Variants in PLEC observed in about 807,000 individuals in gnomAD.
PLEC encodes hemidesmosomal protein 1.
PLEC carries 216 observed loss-of-function variants against 392.8 expected under a neutral mutation model. The ratio of observed to expected loss-of-function variants is 0.55; its 90% CI spans 0.49 to 0.62. The LOEUF (loss-of-function observed/expected upper bound fraction) is 0.62. Ranked by LOEUF, PLEC falls within the 20% of genes least tolerant of loss-of-function variation. PLEC has a pLI of 0.00. For synonymous variants in PLEC, 3,621 were observed against 2,980.6 expected (o/e 1.21, Z -7.00); for missense variants, 6,863 against 6,563.4 (o/e 1.05, Z -1.58).
intron 1 of PLEC, chr8:143,950,045 G>A (rs1831962901): frequency 8.7e-7 from 1 of 1,152,126 alleles, no homozygotes; most frequent in African/African-American, 1.6e-5. Flanking sequence ...TCGGCTAGGG[G>A]GGGCCACCTG....
Position 143,934,009 on chromosome 8 carries a change from G to GGGCGTC in PLEC, c.1246_1251dup (p.Asp416_Ala417dup). The stretch of plus-strand genomic sequence containing the variant: ...CCACACCCCCTCACCGACTGCAGCA[G>GGGCGTC]GGCGTCGGCCTGGTTCAGCTGCTCC... On this transcript the variant is annotated inframe_insertion, in exon 12 of 32. Transcript: ENST00000345136. 2 of 1,606,936 alleles carry GGGCGTC rather than the reference G, an allele frequency of 1.2e-6. No individual in the cohort carries two copies. The highest frequency in any genetic ancestry group is 1.7e-6 in the Non-Finnish European group (2 of 1,178,882).
rs371878635 is a variant in PLEC, at chr8:143,937,220, C to T, written c.287G>A (p.Arg96His). 1.9e-6 allele frequency: 3 copies of T among 1,612,700 alleles called. No homozygotes were observed. Among genetic ancestry groups the T allele is most frequent in the South Asian group, 1.1e-5 (1 of 91,086 alleles). Residue 96 changes from arginine (R) to histidine (H), a missense_variant, in exon 4 of 32, where the codon CGT becomes CAT. Arg to His is a conservative substitution (Grantham distance 29, BLOSUM62 0). Transcript: ENST00000345136. ...DSLPREKGRM[R>H]FHKLQNVQIA... Reference sequence around the variant, plus strand: ...CTGGACATTCTGCAGCTTGTGGAAACGCATCCTCCCCTTCTCCCGGGGCTG... The same window carrying T: ...CTGGACATTCTGCAGCTTGTGGAAATGCATCCTCCCCTTCTCCCGGGGCTG...
chr8:143,923,247 C>T lies in PLEC; in HGVS notation c.6682G>A (p.Glu2228Lys), dbSNP rs782748586. Residue 2228 changes from glutamate to lysine, a missense_variant, in exon 31 of 32, where the codon GAG becomes AAG. Physicochemically the swap from Glu to Lys is moderately conservative, Grantham distance 56 (BLOSUM62 1). Transcript: ENST00000345136. ...TGCACGCGCACCGAGAAGAGCTCCT[C>T]CTCCACCTGGCTGCGCTGGCGTGCG... is the stretch of plus-strand genomic sequence containing the variant. Reference protein sequence around the residue: ...EAARQRSQVEEELFSVRVQME... With the variant: ...EAARQRSQVEKELFSVRVQME... 6.2e-7 allele frequency: 1 copy of T among 1,605,214 alleles called. No homozygotes were observed. The highest frequency in any genetic ancestry group is 2.2e-5 in the East Asian group (1 of 44,866).
chr8:143,939,698 C>CG, upstream of PLEC: 1 of 1,344,804 alleles, frequency 7.4e-7, no homozygotes, highest in Non-Finnish European at 9.7e-7. Context: ...GGGAGTGTCC[C>CG]GGCGGGAAGG....
At position 143,939,004 on chromosome 8, in the gene PLEC, G is replaced by A. The variant is rs959336110; in HGVS notation, c.113-312C>T. Among the ~76,000 whole-genome samples, 9 of 144,776 alleles carry A rather than the reference G, an allele frequency of 6.2e-5. 1 individual carries two copies. The highest frequency in any genetic ancestry group is 2.4e-4 in the South Asian group (1 of 4,124). The allele number at this position is 144,776 out of a possible 152,430, so 95.0% of individuals were successfully genotyped here. A position where few individuals can be genotyped will look rare whatever the true frequency, so the allele number is the denominator to read the frequency against. ...CAAGTCCCGTCCTGCAGTCCCCCCCGGCCTCTACAGACTGAGACCCAAGCA... is the reference window on the plus strand; with the variant it reads ...CAAGTCCCGTCCTGCAGTCCCCCCCAGCCTCTACAGACTGAGACCCAAGCA... On this transcript the variant is annotated intron_variant, in intron 1 of 31. Coordinates refer to ENST00000345136, the MANE Select transcript of PLEC (RefSeq NM_201384.3).
At chr8:143,942,100 T>C (rs1204557033), upstream of PLEC, among the ~76,000 whole-genome samples, 4 of 151,892 alleles carry the variant, frequency 2.6e-5, no homozygotes, top group African/African-American at 9.7e-5. Context: ...CCCCGTGTCC[T>C]GGAAACCCAG....
Position 143,922,063 on chromosome 8 carries a change from C to G in PLEC, c.7758G>C (p.Leu2586=), listed in dbSNP as rs1554688142. The stretch of plus-strand genomic sequence containing the variant: ...GCAGCCTCTGGTTCTCCTCAGCCAG[C>G]AGCTCCTCCTGCTGCCGCCGCTGCT... ...LEQQRRQQEE[L]LAEENQRLRE... Residue 2586 remains leucine (L), a synonymous_variant, in exon 32 of 32, where the codon CTG becomes CTC. Transcript: ENST00000345136. 18 of 1,589,648 alleles carry G rather than the reference C, an allele frequency of 1.1e-5. No homozygotes were observed. The highest frequency in any genetic ancestry group is 1.4e-5 in the Non-Finnish European group (16 of 1,176,006).
chr8:143,925,368 C>G lies in PLEC; in HGVS notation c.4561G>C (p.Val1521Leu). The change falls in exon 31 of 32, where the codon GTG becomes CTG. Residue 1521 changes from valine (V) to leucine (L), a missense_variant. Transcript: ENST00000345136. Reference protein sequence around the residue: ...RQAEVELASRVKAEAEAAREK... With the variant: ...RQAEVELASRLKAEAEAAREK... Reference sequence around the variant, plus strand: ...CGCGCCGCCTCGGCCTCGGCCTTCACGCGCGAGGCCAGCTCCACCTCCGCC... The same window carrying G: ...CGCGCCGCCTCGGCCTCGGCCTTCAGGCGCGAGGCCAGCTCCACCTCCGCC... The G allele has an allele frequency of 6.4e-7, 1 of 1,560,218 alleles. No individual in the cohort carries two copies. The highest frequency in any genetic ancestry group is 8.6e-7 in the Non-Finnish European group (1 of 1,160,408).
rs782375414 is a variant in PLEC, at chr8:143,932,135, C to T, written c.2077G>A (p.Val693Met). 6.2e-7 allele frequency: 1 copy of T among 1,610,852 alleles called. No homozygotes were observed. The highest frequency in any genetic ancestry group is 2.2e-5 in the East Asian group (1 of 44,864). ...CCCTACCCAGGGAGCCCCACCTCCA[C>T]CGTGGGCCGGGCCGGGTGGTCCTCC... ...LREDHPARPT[V>M]ESFQAALQTQ... The change falls in exon 17 of 32, where the codon GTG becomes ATG. Residue 693 changes from valine (V) to methionine (M), a missense_variant. Val to Met is a conservative substitution (Grantham distance 21). Transcript: ENST00000345136.
At chr8:143,972,742 G>T (rs979933609) in intron 1 of PLEC, among the ~76,000 whole-genome samples, 1 of 152,238 alleles carries the variant, frequency 6.6e-6, no homozygotes, top group Non-Finnish European at 1.5e-5. Flanking sequence ...AAGAATGGCC[G>T]GTGGGACCAG....
chr8:143,943,691 A>G, upstream of PLEC: 1 of 1,249,822 alleles, frequency 8.0e-7, no homozygotes, highest in South Asian at 1.3e-5. Context: ...TGGAAACAGG[A>G]AGGGGAGGGC....
chr8:143,932,879 C>G lies in PLEC; in HGVS notation c.1651G>C (p.Val551Leu), dbSNP rs781943261. The change falls in exon 14 of 32, where the codon GTG becomes CTG. Residue 551 changes from valine to leucine, a missense_variant. Transcript: ENST00000345136. ...CGGTGGCTGCCCAGCTGCGCCTCCA[C>G]GCTGGGCAGGTCCACACCCCACTCA... The part of the protein sequence containing the change: ...GAEWGVDLPS[V>L]EAQLGSHRGL... 9 of 1,612,452 alleles carry G rather than the reference C, an allele frequency of 5.6e-6. No individual in the cohort carries two copies. In the East Asian group the frequency reaches 8.9e-5, roughly 16 times the overall value.
rs370458177 is a variant in PLEC at position 143,932,990 on chromosome 8, G to A, written c.1540C>T (p.Arg514Cys). 4.7e-5 allele frequency: 75 copies of A among 1,610,242 alleles called. No homozygotes were observed. In the East Asian group the frequency reaches 1.1e-3, roughly 23 times the overall value. ...AGAGTGGAGTCCTCCAGCTCGGGGC[G>A]CCTCTGCACACTCTGCAGAGTCACC... Reference protein sequence around the residue: ...AQVTLQSVQRRPELEDSTLRY... With the variant: ...AQVTLQSVQRCPELEDSTLRY... The change falls in exon 14 of 32, where the codon CGC (arginine) becomes TGC (cysteine). Residue 514 changes from arginine to cysteine, a missense_variant. Physicochemically the swap from Arg to Cys is radical, Grantham distance 180. Coordinates refer to ENST00000345136, the MANE Select transcript of PLEC (RefSeq NM_201384.3).
chr8:143,959,803 T>C (rs1375826054), intron 1 of PLEC, among the ~76,000 whole-genome samples: 3 of 149,786 alleles, frequency 2.0e-5, no homozygotes, highest in Non-Finnish European at 3.0e-5. Context: ...GAGACCATCC[T>C]GGCTAACACA....
At position 143,930,539 on chromosome 8, in the gene PLEC, G is replaced by A; in HGVS notation, c.2305-3C>T. 1 of 1,584,868 alleles carries A rather than the reference G, an allele frequency of 6.3e-7. No homozygotes were observed. Among genetic ancestry groups the A allele is most frequent in the South Asian group, 1.1e-5 (1 of 87,520 alleles). ...TCGTTCAGCTGTTCCTTCTCGTCCT[G>A]TGGGGGAGGGGCAGCATCCAGACGA... On this transcript the variant is annotated splice_region_variant and splice_polypyrimidine_tract_variant and intron_variant, in intron 19 of 31. Coordinates refer to ENST00000345136, the MANE Select transcript of PLEC (RefSeq NM_201384.3).
chr8:143,975,230 C>A, upstream of PLEC: 1 of 1,605,834 alleles, frequency 6.2e-7, no homozygotes. This position sits in a 1 kb window ranked among gnomAD's most constrained non-coding sequence, Gnocchi z 9.9. Flanking sequence ...CCCGTTGCTC[C>A]CAGCGCCACC....
At position 143,915,462 on chromosome 8, in the gene PLEC, T is replaced by C. The variant is rs990854876; in HGVS notation, c.*715A>G. On this transcript the variant is annotated 3_prime_UTR_variant, in exon 32 of 32. Transcript: ENST00000345136. ...GGGCTCCACAAGCTGGAGGGGCCCC[T>C]GGACCCACCAGGAGGACAGGTCTGC... 6.6e-6 allele frequency: 1 copy of C among 152,258 alleles called. No individual in the cohort carries two copies. The highest frequency in any genetic ancestry group is 1.5e-5 in the Non-Finnish European group (1 of 68,048). 9.4% of individuals were successfully genotyped at this position (152,258 alleles called of 1,614,324 possible).
At chr8:143,936,093 G>C in intron 5 of PLEC, 79 bp from the exon 6 acceptor site, 2 of 1,525,604 alleles carry the variant, frequency 1.3e-6, no homozygotes, top group Non-Finnish European at 1.8e-6. Context: ...ATGCACAGGG[G>C]CAGGGGTAGC....
intron 22 of PLEC, 37 bp downstream of exon 22, chr8:143,929,899 C>A: frequency 1.9e-6 from 3 of 1,604,954 alleles, no homozygotes; most frequent in Middle Eastern, 1.7e-4. Context: ...CTCCCCTCCT[C>A]CCACCCAGAG....
Sources: gnomAD v4.1 joint callset for allele counts (sites outside exome capture counted in the v4.1 genomes callset) on GRCh38, gnomAD v4.1.1 for gene constraint, Gnocchi (gnomAD v3.1) non-coding constraint, MANE v1.5 for transcripts, NCBI Gene and HGNC (gene_info 2026-07-23, HGNC 2026-07-21) for gene names.